The following CWF19L1 variants were observed in gnomAD, a reference collection of about 807,000 sequenced individuals.
CWF19L1 encodes CWF19 like cell cycle control factor 1.
In CWF19L1, 60 loss-of-function variants were observed where a neutral mutation model predicts 69.7. The ratio of observed to expected loss-of-function variants is 0.86; its 90% CI spans 0.70 to 1.07. CWF19L1 has a LOEUF of 1.07. Ranked by LOEUF, CWF19L1 falls within the 50% of genes least tolerant of loss-of-function variation. CWF19L1 has a pLI of 0.00. For synonymous variants in CWF19L1, 209 were observed against 222.2 expected (o/e 0.94, Z 0.53); for missense variants, 591 against 638.9 (o/e 0.92, Z 0.81).
intron 1 of CWF19L1, among the ~76,000 whole-genome samples, chr10:100,264,190 G>A (rs891655660): frequency 1.3e-5 from 2 of 152,206 alleles, no homozygotes; most frequent in African/African-American, 4.8e-5. Context: ...ATACAGTTAT[G>A]TACAGTATAC....
chr10:100,248,628 T>C (rs1476794957), intron 7 of CWF19L1: 3 of 759,032 alleles, frequency 4.0e-6, no homozygotes, highest in Non-Finnish European at 4.8e-6. Flanking sequence ...CCATCACTAC[T>C]GAGATCCTCA....
In CWF19L1 at chr10:100,256,285, C is replaced by A. The variant is rs148854529; in HGVS notation, c.481G>T (p.Val161Leu). The A allele has an allele frequency of 1.2e-6, 2 of 1,613,872 alleles. No individual in the cohort carries two copies. The highest frequency in any genetic ancestry group is 2.2e-5 in the East Asian group (1 of 44,890). ...ACAGAAGAATTCCCAAAGTTCCCCA[C>A]ACACTTGGGCCATGGGGATGTGAGC... ...ILLTSPWPKC[V>L]GNFGNSSGEV... The change falls in exon 5 of 14, where the codon GTG becomes TTG. Residue 161 changes from valine (V) to leucine (L), a missense_variant. By Grantham distance (32) the Val-to-Leu change is conservative. This residue lies in a region of CWF19L1 where 458 missense variants were observed against 489.3 expected (regional missense o/e 0.94). Transcript: ENST00000354105.
At chr10:100,261,795 T>C (rs946638160) in intron 2 of CWF19L1, among the ~76,000 whole-genome samples, 184 bp downstream of exon 2, 1 of 152,192 alleles carries the variant, frequency 6.6e-6, no homozygotes, top group Admixed American at 6.6e-5. Context: ...TAAAGATCAA[T>C]AGTAAACAGT....
intron 5 of CWF19L1, among the ~76,000 whole-genome samples, chr10:100,255,679 C>T (rs1847185805): frequency 6.6e-6 from 1 of 150,760 alleles, no homozygotes; most frequent in African/African-American, 2.4e-5. Context: ...AGGTGAATTG[C>T]TTGAACCCAG....
chr10:100,245,950 AACTAACCTTTAGAT>A, intron 8 of CWF19L1, 37 bp from the exon 9 acceptor site: 1 of 1,463,708 alleles, frequency 6.8e-7, no homozygotes, highest in Non-Finnish European at 9.6e-7. Context: ...AATGTTATTC[AACTAACCTTTAGAT>A]AAGTAGCCGA....
Position 100,248,757 on chromosome 10 carries a change from C to T in CWF19L1, c.708+1491G>A, listed in dbSNP as rs1056385394. 15 of 1,335,464 alleles carry T rather than the reference C, an allele frequency of 1.1e-5. No individual in the cohort carries two copies. The African/African-American group carries it at 1.4e-4, about 13-fold the overall frequency. 82.7% of individuals were successfully genotyped at this position (1,335,464 alleles called of 1,614,324 possible). On this transcript the variant is annotated intron_variant, in intron 7 of 13. Transcript: ENST00000354105. ...CCACCTTTGGGCTCATCCTGGATGA[C>T]GTGTCCTTGACACATCTGACCTTCG...
intron 5 of CWF19L1, chr10:100,253,940 C>T (rs1315861503): frequency 6.4e-6 from 1 of 155,900 alleles, no homozygotes; most frequent in Non-Finnish European, 1.4e-5. Flanking sequence ...TACAGTGGCA[C>T]AATCTCGGCT....
chr10:100,260,136 C>A (rs1235262503), intron 4 of CWF19L1, 82 bp downstream of exon 4: 4 of 870,124 alleles, frequency 4.6e-6, no homozygotes, highest in Non-Finnish European at 7.3e-6. Flanking sequence ...CCACTGCACT[C>A]CAGCCTGGGT....
At chr10:100,266,018 AT>A (rs894684247) in intron 1 of CWF19L1, among the ~76,000 whole-genome samples, 2 of 151,830 alleles carry the variant, frequency 1.3e-5, no homozygotes, top group African/African-American at 4.8e-5. Context: ...CTACCAACTC[AT>A]TTCTCAGAAC....
At chr10:100,235,106 T>G (rs11818625) in intron 13 of CWF19L1, among the ~76,000 whole-genome samples, 2,043 of 152,310 alleles carry the variant, frequency 0.013, 48 homozygotes, top group African/African-American at 0.047. Flanking sequence ...CAGCACTCAG[T>G]GGCCACAAGT....
intron 13 of CWF19L1, among the ~76,000 whole-genome samples, chr10:100,235,306 G>C (rs1229330054): frequency 2.6e-5 from 4 of 152,222 alleles, no homozygotes; most frequent in Non-Finnish European, 5.9e-5. Context: ...TCTTGGCACA[G>C]AGTATGTGCT....
intron 10 of CWF19L1, among the ~76,000 whole-genome samples, chr10:100,243,087 C>T (rs1416090003): frequency 2.0e-5 from 3 of 152,168 alleles, no homozygotes; most frequent in Admixed American, 2.0e-4. Context: ...CATAAATTTA[C>T]TATATAACCT....
At chr10:100,233,554 T>C (rs906694488) in intron 13 of CWF19L1, 183 bp from the exon 14 acceptor site, 2 of 456,400 alleles carry the variant, frequency 4.4e-6, no homozygotes, top group Non-Finnish European at 7.3e-6. Context: ...ATATATTTCC[T>C]GATCCTTCAA....
chr10:100,255,305 G>A lies in CWF19L1; in HGVS notation c.504+957C>T, dbSNP rs1589627672. On this transcript the variant is annotated intron_variant, in intron 5 of 13. Coordinates refer to ENST00000354105, the MANE Select transcript of CWF19L1 (RefSeq NM_018294.6). ...AGGCCAAGGCGGGTGGATCACTAGA[G>A]CGCAGGAGTTCAAGACCAGCCTGGG... 3.3e-5 allele frequency among the ~76,000 whole-genome samples: 5 copies of A among 152,228 alleles called. No individual in the cohort carries two copies. The South Asian group carries it at 1.0e-3, about 32-fold the overall frequency.
chr10:100,253,582 T>C (rs1847113594), intron 5 of CWF19L1, 43 bp from the exon 6 acceptor site: 1 of 1,063,786 alleles, frequency 9.4e-7, no homozygotes, highest in Non-Finnish European at 1.4e-6. Context: ...CCAAAAGTTA[T>C]CAAGAAATGC....
rs765563401 is a variant in CWF19L1 at position 100,256,481 on chromosome 10, G to T, written c.290-5C>A. ...CAGTGAAGATACCTTTACGACCTGGGTTCAAAGAAAAATGAACAAATTTTA... is the reference window on the plus strand; with the variant it reads ...CAGTGAAGATACCTTTACGACCTGGTTTCAAAGAAAAATGAACAAATTTTA... On this transcript the variant is annotated splice_polypyrimidine_tract_variant and splice_region_variant and intron_variant, in intron 4 of 13. Transcript: ENST00000354105. 11 of 1,613,222 alleles carry T rather than the reference G, an allele frequency of 6.8e-6. No homozygotes were observed. Among genetic ancestry groups the T allele is most frequent in the Admixed American group, 1.7e-5 (1 of 59,938 alleles).
chr10:100,263,630 CACTGTCCAGTTTAT>C (rs1188131197), intron 1 of CWF19L1, among the ~76,000 whole-genome samples: 1 of 152,192 alleles, frequency 6.6e-6, no homozygotes, highest in African/African-American at 2.4e-5. Context: ...CTGGGAGATC[CACTGTCCAGTTTAT>C]ACATCACCAG....
chr10:100,256,851 G>A (rs1385430595), intron 4 of CWF19L1, among the ~76,000 whole-genome samples: 8 of 152,154 alleles, frequency 5.3e-5, no homozygotes, highest in Non-Finnish European at 1.0e-4. Flanking sequence ...AAGGCAATGC[G>A]AAGAAAAATA....
chr10:100,260,353 T>A lies in CWF19L1; in HGVS notation c.188-34A>T, dbSNP rs368471876. 82 of 1,205,596 alleles carry A rather than the reference T, an allele frequency of 6.8e-5. No individual in the cohort carries two copies. In the African/African-American group the frequency reaches 1.1e-3, roughly 16 times the overall value. 74.7% of individuals were successfully genotyped at this position (1,205,596 alleles called of 1,614,324 possible). A position where few individuals can be genotyped will look rare whatever the true frequency, so the allele number is the denominator to read the frequency against. ...GGAAACAGACATGACACCATATAGT[T>A]ACCAGATCTGCTTTAGAACTTAAGA... is the stretch of plus-strand genomic sequence containing the variant. On this transcript the variant is annotated intron_variant, in intron 3 of 13. Coordinates refer to ENST00000354105, the MANE Select transcript of CWF19L1 (RefSeq NM_018294.6).
Sources: gnomAD v4.1 joint callset for allele counts (sites outside exome capture counted in the v4.1 genomes callset) on GRCh38, gnomAD v4.1.1 for gene constraint, gnomAD v4.1.1 regional missense constraint, MANE v1.5 for transcripts, NCBI Gene and HGNC (gene_info 2026-07-23, HGNC 2026-07-21) for gene names.